The following FARP1 variants were observed in gnomAD, a reference collection of about 807,000 sequenced individuals.
The protein encoded by FARP1 is FERM, ARH/RhoGEF and pleckstrin domain protein 1.
Under a neutral mutation model 128.8 loss-of-function variants are expected in FARP1, and 52 were observed. That is an observed-to-expected ratio of 0.40 (90% CI 0.32 to 0.51). The LOEUF is 0.51. Ranked by LOEUF, FARP1 falls within the 20% of genes least tolerant of loss-of-function variation. The pLI, the probability that FARP1 is intolerant of heterozygous loss-of-function variation, is 0.45. For synonymous variants in FARP1, 580 were observed against 551.8 expected (o/e 1.05, Z -0.72); for missense variants, 1,333 against 1,367.9 (o/e 0.97, Z 0.40).
intron 2 of FARP1, among the ~76,000 whole-genome samples, chr13:98,291,687 A>G (rs1409847323): frequency 6.6e-6 from 1 of 152,118 alleles, no homozygotes; most frequent in African/African-American, 2.4e-5. Flanking sequence ...TACTCCCAAC[A>G]AGCTAGCCAG....
chr13:98,358,657 C>CT (rs1594441782), intron 3 of FARP1, among the ~76,000 whole-genome samples: 2 of 151,018 alleles, frequency 1.3e-5, no homozygotes, highest in African/African-American at 2.4e-5. Flanking sequence ...TTCTTTTTTT[C>CT]TTTTTTCTCA....
chr13:98,279,238 T>C (rs1884817948), intron 2 of FARP1, among the ~76,000 whole-genome samples: 2 of 152,212 alleles, frequency 1.3e-5, no homozygotes, highest in Non-Finnish European at 2.9e-5. Context: ...TATTAACATT[T>C]ATTTCTTCCA....
intron 2 of FARP1, among the ~76,000 whole-genome samples, chr13:98,239,262 C>G (rs780180945): frequency 3.0e-4 from 46 of 152,124 alleles, no homozygotes; most frequent in African/African-American, 1.1e-3. Context: ...TACCCTGGAC[C>G]GACCCTGGTT....
chr13:98,416,810 G>A (rs1205083855), intron 16 of FARP1, among the ~76,000 whole-genome samples: 1 of 152,160 alleles, frequency 6.6e-6, no homozygotes, highest in African/African-American at 2.4e-5. Flanking sequence ...GGTAGATTCT[G>A]CAGGGTACAA....
intron 2 of FARP1, among the ~76,000 whole-genome samples, chr13:98,221,440 G>A (rs77208934): frequency 0.011 from 1,680 of 152,280 alleles, 39 homozygotes; most frequent in African/African-American, 0.039. Context: ...TTTCTTTGGA[G>A]GGGAATCATT....
In FARP1 at chr13:98,232,140, GGTTGGT is replaced by G. The variant is rs1283041981; in HGVS notation, c.171+18728_171+18733del. The stretch of plus-strand genomic sequence containing the variant: ...CCACCGTGCCCGGCTTTTTTTGTTT[GGTTGGT>G]TTTTTTTTTTTTTTTTTTTTGCTTA... On this transcript the variant is annotated intron_variant, in intron 2 of 26. Transcript: ENST00000319562. 4.7e-4 allele frequency among the ~76,000 whole-genome samples: 43 copies of G among 92,194 alleles called. 2 individuals are homozygous for G. The highest frequency in any genetic ancestry group is 2.2e-3 in the Admixed American group (21 of 9,562). 60.5% of individuals were successfully genotyped at this position (92,194 alleles called of 152,430 possible).
At chr13:98,430,175 C>T (rs1891956256) in intron 17 of FARP1, among the ~76,000 whole-genome samples, 1 of 152,044 alleles carries the variant, frequency 6.6e-6, no homozygotes, top group African/African-American at 2.4e-5. Context: ...TCCCTTGAGC[C>T]CAGGAGTTCG....
rs1893367952 is a variant in FARP1 at position 98,454,682 on chromosome 13, A to G, written c.*6365A>G. 1 of 152,234 alleles carries G rather than the reference A, an allele frequency of 6.6e-6. No homozygotes were observed. The highest frequency in any genetic ancestry group is 1.5e-5 in the Non-Finnish European group (1 of 68,038). The allele number at this position is 152,234 out of a possible 1,614,324, so 9.4% of individuals were successfully genotyped here. ...ATTTTTCCTACAGCCATCCACTGAAACAACATGTTTGGAGCAAAACTGGCA... is the reference window on the plus strand; with the variant it reads ...ATTTTTCCTACAGCCATCCACTGAAGCAACATGTTTGGAGCAAAACTGGCA... On this transcript the variant is annotated 3_prime_UTR_variant, in exon 27 of 27. Transcript: ENST00000319562.
intron 1 of FARP1, among the ~76,000 whole-genome samples, chr13:98,201,772 A>G (rs569338331): frequency 1.3e-5 from 2 of 152,354 alleles, no homozygotes; most frequent in South Asian, 2.1e-4. Flanking sequence ...AATTAAAAAA[A>G]TTGTTAAAAA....
At chr13:98,182,979 T>C (rs568531601) in intron 1 of FARP1, among the ~76,000 whole-genome samples, 5 of 152,368 alleles carry the variant, frequency 3.3e-5, no homozygotes, top group African/African-American at 1.2e-4. Flanking sequence ...TTTCCTGGTA[T>C]GTCCTATACC....
chr13:98,419,690 C>G (rs925666082), intron 16 of FARP1, among the ~76,000 whole-genome samples: 20 of 152,088 alleles, frequency 1.3e-4, no homozygotes, highest in African/African-American at 4.8e-4. Context: ...ATCATAGAGA[C>G]TGCAGGGAAT....
At chr13:98,378,054 A>G (rs1207619102) in intron 6 of FARP1, 136 bp downstream of exon 6, 34 of 657,940 alleles carry the variant, frequency 5.2e-5, no homozygotes, top group South Asian at 3.8e-4. Flanking sequence ...ATGAAGGCCT[A>G]CGGGTGGAAG....
chr13:98,309,445 A>C (rs1459515400), intron 2 of FARP1, among the ~76,000 whole-genome samples: 1 of 151,956 alleles, frequency 6.6e-6, no homozygotes, highest in Admixed American at 6.6e-5. Flanking sequence ...CTGGGATTAC[A>C]AGCGTGAGCC....
In FARP1 at chr13:98,386,796, C is replaced by T. The variant is rs570650912; in HGVS notation, c.759+982C>T. Among the ~76,000 whole-genome samples the T allele has an allele frequency of 1.2e-4, 18 of 152,276 alleles. No individual in the cohort carries two copies. In the South Asian group the frequency reaches 3.3e-3, roughly 28 times the overall value. On this transcript the variant is annotated intron_variant, in intron 8 of 26. Coordinates refer to ENST00000319562, the MANE Select transcript of FARP1 (RefSeq NM_005766.4). ...TCTTCCAGGTTTGCTTATATTTCCC[C>T]CTTATCTTTTATCAAAAGAGTTCCA...
chr13:98,338,776 G>A (rs1317051814), intron 2 of FARP1: 1 of 152,228 alleles, frequency 6.6e-6, no homozygotes, highest in Non-Finnish European at 1.5e-5. Context: ...GGGATGTGAC[G>A]TGGAGCAGAA....
chr13:98,373,533 G>GACAGACAGACAGACACACACACAC (rs1349451618), intron 5 of FARP1, among the ~76,000 whole-genome samples: 1 of 130,984 alleles, frequency 7.6e-6, no homozygotes, highest in African/African-American at 3.0e-5. Context: ...CAGACAGACA[G>GACAGACAGACAGACACACACACAC]ACACACACAC....
At chr13:98,363,334 C>A (rs1339042922) in intron 3 of FARP1, among the ~76,000 whole-genome samples, 1 of 152,164 alleles carries the variant, frequency 6.6e-6, no homozygotes, top group Admixed American at 6.5e-5. Context: ...GAAGATTGCT[C>A]CCTACCTCTG....
At chr13:98,309,411 C>A (rs1309776160) in intron 2 of FARP1, among the ~76,000 whole-genome samples, 2 of 151,462 alleles carry the variant, frequency 1.3e-5, no homozygotes, top group African/African-American at 2.4e-5. Flanking sequence ...CCTCGTGATC[C>A]GCCCGCCTCG....
rs201275992 is a variant in FARP1, at chr13:98,448,351, T to G, written c.*34T>G. ...CACACTCGTTTCCGCAGTGGCTGCTTTCCTGGAAGACGTTTCCTTTCTTCT... is the reference window on the plus strand; with the variant it reads ...CACACTCGTTTCCGCAGTGGCTGCTGTCCTGGAAGACGTTTCCTTTCTTCT... On this transcript the variant is annotated 3_prime_UTR_variant, in exon 27 of 27. Coordinates refer to ENST00000319562, the MANE Select transcript of FARP1 (RefSeq NM_005766.4). The G allele has an allele frequency of 7.4e-6, 11 of 1,496,144 alleles. No individual in the cohort carries two copies. The East Asian group carries it at 2.3e-4, about 31-fold the overall frequency. The allele number at this position is 1,496,144 out of a possible 1,614,324, so 92.7% of individuals were successfully genotyped here.
Sources: gnomAD v4.1 joint callset for allele counts (sites outside exome capture counted in the v4.1 genomes callset) on GRCh38, gnomAD v4.1.1 for gene constraint, MANE v1.5 for transcripts, NCBI Gene and HGNC (gene_info 2026-07-23, HGNC 2026-07-21) for gene names.